ZNF787: variants seen among roughly 807,000 people sequenced by gnomAD.
The protein encoded by ZNF787 is TTF-I-interacting peptide 20.
In ZNF787, 7 loss-of-function variants were observed where a neutral mutation model predicts 16.9. The ratio of observed to expected loss-of-function variants is 0.42; its 90% confidence interval spans 0.24 to 0.78. The LOEUF is 0.78. Among genes scored for constraint, ZNF787 ranks in the 30% least tolerant of loss-of-function variants. ZNF787 has a pLI of 0.30. For missense variants in ZNF787, 551 were observed against 589.3 expected, an observed-to-expected ratio of 0.94 and a Z score of 0.67; for synonymous variants, 345 against 270.9, an observed-to-expected ratio of 1.27 and a Z score of -2.69.
intron 2 of ZNF787, among the ~76,000 whole-genome samples, chr19:56,091,027 G>T (rs1440694896): frequency 1.3e-5 from 2 of 152,214 alleles, no homozygotes; most frequent in African/African-American, 4.8e-5. Flanking sequence ...AGTCAGGAAG[G>T]GGGGAGCCTT....
chr19:56,089,408 G>A (rs1252966950), intron 2 of ZNF787, among the ~76,000 whole-genome samples: 1 of 152,110 alleles, frequency 6.6e-6, no homozygotes, highest in Non-Finnish European at 1.5e-5. Flanking sequence ...TCCACGGAAG[G>A]CTCCCAGAAA....
chr19:56,114,339 T>C (rs1483405375), intron 1 of ZNF787, among the ~76,000 whole-genome samples: 2 of 150,622 alleles, frequency 1.3e-5, no homozygotes, highest in Admixed American at 1.3e-4. Flanking sequence ...GGGGCCGGGC[T>C]CAGTCCTCCA....
At position 56,088,561 on chromosome 19, in the gene ZNF787, G is replaced by A. The variant is rs760391949; in HGVS notation, c.611C>T (p.Ser204Leu). 2.0e-6 allele frequency: 3 copies of A among 1,493,004 alleles called. No homozygotes were observed. The highest frequency in any genetic ancestry group is 1.3e-5 in the South Asian group (1 of 79,592). The allele number at this position is 1,493,004 out of a possible 1,614,324, so 92.5% of individuals were successfully genotyped here. ...ARHLRLHPEL[S>L]GPGVAAKVLA... ...CACCTTGGCCGCCACGCCAGGCCCC[G>A]ACAGCTCCGGGTGCAGCCGCAGGTG... The change falls in exon 3 of 3, where the codon TCG becomes TTG. Residue 204 changes from serine to leucine, a missense_variant. By Grantham distance (145) the Ser-to-Leu change is moderately radical. Transcript: ENST00000610935. The surrounding 1 kb of genome is among the most constrained non-coding windows in gnomAD (Gnocchi z 8.6).
In ZNF787 at chr19:56,087,735, A is replaced by C. The variant is rs1218562803; in HGVS notation, c.*288T>G. The C allele has an allele frequency of 1.5e-5, 4 of 275,146 alleles. No homozygotes were observed. Among genetic ancestry groups the C allele is most frequent in the South Asian group, 1.5e-4 (1 of 6,470 alleles). 17.0% of individuals were successfully genotyped at this position (275,146 alleles called of 1,614,324 possible). A position where few individuals can be genotyped will look rare whatever the true frequency, so the allele number is the denominator to read the frequency against. On this transcript the variant is annotated 3_prime_UTR_variant, in exon 3 of 3. Transcript: ENST00000610935. ...GCCTTCCGCTTGGGGCCTGGTCGCC[A>C]CTCGGCCTCTGCAGTTCTCTCCATT...
At chr19:56,095,309 C>T (rs919123455) in intron 2 of ZNF787, among the ~76,000 whole-genome samples, 1 of 152,234 alleles carries the variant, frequency 6.6e-6, no homozygotes, top group East Asian at 1.9e-4. Flanking sequence ...GTACCAAGGA[C>T]TGGGGACCCT....
chr19:56,101,314 G>A lies in ZNF787; in HGVS notation c.79+1825C>T, dbSNP rs574665199. On this transcript the variant is annotated intron_variant, in intron 2 of 2. Coordinates refer to ENST00000610935, the MANE Select transcript of ZNF787 (RefSeq NM_001002836.4). ...CGTGCGCAGCCCATCTTTGACAGCC[G>A]AGCAAGGGCGTCACGCAGGGGTGAT... is the stretch of plus-strand genomic sequence containing the variant. Among the ~76,000 whole-genome samples the A allele has an allele frequency of 5.2e-4, 80 of 152,392 alleles. 1 individual carries two copies. The highest frequency in any genetic ancestry group is 1.8e-3 in the African/African-American group (76 of 41,600).
At chr19:56,098,284 C>T (rs922207141) in intron 2 of ZNF787, among the ~76,000 whole-genome samples, 1 of 152,242 alleles carries the variant, frequency 6.6e-6, no homozygotes, top group Non-Finnish European at 1.5e-5. Context: ...TGTGGGCTGC[C>T]TGGGATTCCT....
chr19:56,089,625 C>G (rs1188297907), intron 2 of ZNF787, among the ~76,000 whole-genome samples: 1 of 152,140 alleles, frequency 6.6e-6, no homozygotes, highest in Non-Finnish European at 1.5e-5. Flanking sequence ...GGAAGACAAT[C>G]CTGGCTGCAG....
chr19:56,110,136 C>T (rs984928385), intron 1 of ZNF787, among the ~76,000 whole-genome samples: 7 of 152,142 alleles, frequency 4.6e-5, no homozygotes, highest in Non-Finnish European at 5.9e-5. Context: ...CCAAGGCAGG[C>T]GGATCACGAG....
intron 2 of ZNF787, 94 bp downstream of exon 2, chr19:56,103,045 C>T (rs1986164795): frequency 6.9e-7 from 1 of 1,439,692 alleles, no homozygotes; most frequent in African/African-American, 1.4e-5. Flanking sequence ...GAGGGGAAAA[C>T]AGGGAAGGGG....
chr19:56,091,464 G>C (rs909032315), intron 2 of ZNF787, among the ~76,000 whole-genome samples: 6 of 152,198 alleles, frequency 3.9e-5, no homozygotes, highest in African/African-American at 1.4e-4. Flanking sequence ...AGAGTGGGGA[G>C]AGGATGTGGG....
At chr19:56,102,850 G>C in intron 2 of ZNF787, 1 of 700,822 alleles carries the variant, frequency 1.4e-6, no homozygotes, top group Non-Finnish European at 2.6e-6. Context: ...ACAGACGGGG[G>C]TGCTGCCCAG....
intron 1 of ZNF787, 52 bp from the exon 2 acceptor site, chr19:56,103,279 C>T (rs1459428663): frequency 1.4e-6 from 2 of 1,477,302 alleles, no homozygotes; most frequent in Non-Finnish European, 9.1e-7. Flanking sequence ...TGCCAGGCTG[C>T]ACCGAGGGCC....
chr19:56,103,778 C>T (rs1986196756), intron 1 of ZNF787, among the ~76,000 whole-genome samples: 2 of 151,158 alleles, frequency 1.3e-5, no homozygotes, highest in South Asian at 2.1e-4. Context: ...ACCACCGACC[C>T]GTGCCACGCA....
Position 56,088,005 on chromosome 19 carries a change from C to CA in ZNF787, c.*17_*18insT, listed in dbSNP as rs1463523633. 1 of 1,191,792 alleles carries CA rather than the reference C, an allele frequency of 8.4e-7. No homozygotes were observed. The highest frequency in any genetic ancestry group is 4.0e-5 in the East Asian group (1 of 24,854). The allele number at this position is 1,191,792 out of a possible 1,614,324, so 73.8% of individuals were successfully genotyped here. Reference sequence around the variant, plus strand: ...AAGCCCGAGGGGCCCTGCCCGCCCCCCCCCCCGGGCCCCTCCCCTACCGGC... The same window carrying CA: ...AAGCCCGAGGGGCCCTGCCCGCCCCCACCCCCCGGGCCCCTCCCCTACCGGC... On this transcript the variant is annotated 3_prime_UTR_variant, in exon 3 of 3. Transcript: ENST00000610935. The surrounding 1 kb of genome is among the most constrained non-coding windows in gnomAD (Gnocchi z 8.6).
rs962614299 is a variant in ZNF787, at chr19:56,088,331, C to G, written c.841G>C (p.Val281Leu). ...SRRAPAPKPY[V>L]CLECGKGFGH... is the part of the protein sequence containing the mutation. ...AAGCCCTTCCCGCACTCCAGACACA[C>G]GTACGGCTTGGGGGCCGGGGCGCGC... Residue 281 changes from valine to leucine, a missense_variant, in exon 3 of 3, where the codon GTG becomes CTG. Val to Leu is a conservative substitution (Grantham distance 32, BLOSUM62 1). Transcript: ENST00000610935. This position sits in a 1 kb window ranked among gnomAD's most constrained non-coding sequence, Gnocchi z 8.6. 4.0e-6 allele frequency: 5 copies of G among 1,240,312 alleles called. No homozygotes were observed. Among genetic ancestry groups the G allele is most frequent in the Non-Finnish European group, 4.1e-6 (4 of 987,528 alleles). The allele number at this position is 1,240,312 out of a possible 1,614,324, so 76.8% of individuals were successfully genotyped here.
intron 2 of ZNF787, among the ~76,000 whole-genome samples, chr19:56,098,002 G>T (rs516022): frequency 0.73 from 110,665 of 152,012 alleles, 41,714 homozygotes; most frequent in Middle Eastern, 0.86. Flanking sequence ...AGCCCAGCAA[G>T]GGCACCCCCG....
intron 2 of ZNF787, among the ~76,000 whole-genome samples, chr19:56,090,074 A>G (rs1009970123): frequency 1.3e-5 from 2 of 152,172 alleles, no homozygotes; most frequent in African/African-American, 4.8e-5. Context: ...GCCATGAATC[A>G]CAATTACAAC....
chr19:56,113,923 G>A (rs945092798), intron 1 of ZNF787, among the ~76,000 whole-genome samples: 28 of 152,106 alleles, frequency 1.8e-4, no homozygotes, highest in East Asian at 1.9e-4. Context: ...TTCGCCTCCC[G>A]GGTTCAAGGG....
Sources: gnomAD v4.1 joint callset for allele counts (sites outside exome capture counted in the v4.1 genomes callset) on GRCh38, gnomAD v4.1.1 for gene constraint, Gnocchi (gnomAD v3.1) non-coding constraint, MANE v1.5 for transcripts, NCBI Gene and HGNC (gene_info 2026-07-23, HGNC 2026-07-21) for gene names.